ALK: variants seen among roughly 807,000 people sequenced by gnomAD.
The protein encoded by ALK is ALK tyrosine kinase receptor.
Under a neutral mutation model 163.1 loss-of-function variants are expected in ALK, and 74 were observed. That is an observed-to-expected ratio of 0.45 (90% CI 0.38 to 0.55). The LOEUF is 0.55. Ranked by LOEUF, ALK falls within the 20% of genes least tolerant of loss-of-function variation. The pLI is 0.00. For synonymous variants in ALK, 960 were observed against 843.2 expected, an observed-to-expected ratio of 1.14 and a Z score of -2.40; for missense variants, 2,063 against 2,105.3, an observed-to-expected ratio of 0.98 and a Z score of 0.39.
At chr2:29,778,203 C>T (rs981210735) in intron 1 of ALK, among the ~76,000 whole-genome samples, 99 of 152,312 alleles carry the variant, frequency 6.5e-4, no homozygotes, top group African/African-American at 2.2e-3. Context: ...CATTAGGATG[C>T]GCTCTGCAGT....
rs779303121 is a variant in ALK, at chr2:29,209,885, AGAAAG to A, written c.3744-12_3744-8del. On this transcript the variant is annotated splice_region_variant and splice_polypyrimidine_tract_variant and intron_variant, in intron 24 of 28. Coordinates refer to ENST00000389048, the MANE Select transcript of ALK (RefSeq NM_004304.5). ...GTTTCTGGCAGCAATGTCTCTGGGA[AGAAAG>A]GAAATGCATTTCCTAATTTTATCCC... The A allele has an allele frequency of 1.9e-6, 3 of 1,612,676 alleles. No homozygotes were observed. The African/African-American group carries it at 4.0e-5, about 22-fold the overall frequency.
chr2:29,893,881 C>A (rs1667206143), intron 1 of ALK, among the ~76,000 whole-genome samples: 1 of 152,050 alleles, frequency 6.6e-6, no homozygotes, highest in African/African-American at 2.4e-5. Context: ...TGACCTTGAG[C>A]AAGGTAAACT....
chr2:29,448,724 C>A (rs1375510217), intron 4 of ALK, among the ~76,000 whole-genome samples: 1 of 152,122 alleles, frequency 6.6e-6, no homozygotes, highest in Non-Finnish European at 1.5e-5. Context: ...ATATTCAGAC[C>A]AATAAAGCAG....
intron 3 of ALK, among the ~76,000 whole-genome samples, chr2:29,619,686 T>C (rs531007064): frequency 5.9e-5 from 9 of 152,298 alleles, no homozygotes; most frequent in Admixed American, 2.0e-4. Flanking sequence ...GGAAAATGGA[T>C]TCTGTGTATC....
At chr2:29,421,530 C>T (rs1670016438) in intron 4 of ALK, among the ~76,000 whole-genome samples, 1 of 151,538 alleles carries the variant, frequency 6.6e-6, no homozygotes, top group African/African-American at 2.4e-5. Flanking sequence ...CTCTCTGAGC[C>T]TGTTTCCTTT....
Position 29,297,056 on chromosome 2 carries a change from A to G in ALK, c.1649T>C (p.Leu550Pro). 6.2e-7 allele frequency: 1 copy of G among 1,614,104 alleles called. No homozygotes were observed. The highest frequency in any genetic ancestry group is 8.5e-7 in the Non-Finnish European group (1 of 1,180,000). The stretch of plus-strand genomic sequence containing the variant: ...TCCACGAATGAGCCAGGACATTCGG[A>G]GCTGTGAGGGCGAGAAGAGTCAGAG... ...PAPIKSSPCE[L>P]RMSWLIRGVL... The change falls in exon 9 of 29, where the codon CTC (leucine) becomes CCC (proline). Residue 550 changes from leucine (L) to proline (P), a missense_variant and splice_region_variant. This residue lies in a region of ALK where 987 missense variants were observed against 939.5 expected (regional missense o/e 1.05). Transcript: ENST00000389048.
At chr2:29,424,293 A>G (rs915900003) in intron 4 of ALK, among the ~76,000 whole-genome samples, 1 of 152,204 alleles carries the variant, frequency 6.6e-6, no homozygotes, top group Admixed American at 6.5e-5. Context: ...AAAGATGACC[A>G]ACCTAAAAAT....
At position 29,602,214 on chromosome 2, in the gene ALK, G is replaced by C. The variant is rs192799024; in HGVS notation, c.953-70098C>G. Among the ~76,000 whole-genome samples, 70 of 152,164 alleles carry C rather than the reference G, an allele frequency of 4.6e-4. 1 individual carries two copies. In the East Asian group the frequency reaches 0.012, roughly 27 times the overall value. On this transcript the variant is annotated intron_variant, in intron 3 of 28. Coordinates refer to ENST00000389048, the MANE Select transcript of ALK (RefSeq NM_004304.5). ...GGCTTGACTTGTCCTTATTCTCACAGAACAAGCTTGGATGGTCACTCTTAT... is the reference window on the plus strand; with the variant it reads ...GGCTTGACTTGTCCTTATTCTCACACAACAAGCTTGGATGGTCACTCTTAT...
intron 4 of ALK, among the ~76,000 whole-genome samples, chr2:29,448,636 C>T (rs555463259): frequency 5.3e-5 from 8 of 152,250 alleles, no homozygotes; most frequent in South Asian, 2.1e-4. Context: ...GTCAATCCAC[C>T]GTTCCCACCA....
intron 1 of ALK, among the ~76,000 whole-genome samples, chr2:29,733,100 A>G (rs1460212844): frequency 1.3e-5 from 2 of 152,162 alleles, no homozygotes; most frequent in Non-Finnish European, 2.9e-5. Context: ...CTGAGCAAAT[A>G]GAAAACATGA....
chr2:29,629,209 A>G (rs1294662931), intron 3 of ALK, among the ~76,000 whole-genome samples: 2 of 152,192 alleles, frequency 1.3e-5, no homozygotes, highest in African/African-American at 2.4e-5. Context: ...CTCAAACCCA[A>G]CTGACAGGAC....
chr2:29,196,990 A>G (rs1168227772), intron 27 of ALK, 130 bp from the exon 28 acceptor site: 3 of 730,442 alleles, frequency 4.1e-6, no homozygotes, highest in Middle Eastern at 2.5e-4. Flanking sequence ...TACTTGGCCT[A>G]TGCTGCCCCC....
chr2:29,650,715 C>T (rs1558425866), intron 3 of ALK, among the ~76,000 whole-genome samples: 3 of 152,054 alleles, frequency 2.0e-5, no homozygotes, highest in African/African-American at 4.8e-5. Context: ...ATGAGGTCTC[C>T]GTGTTAACAG....
rs142392527 is a variant in ALK at position 29,352,974 on chromosome 2, C to G, written c.1283-24493G>C. Among the ~76,000 whole-genome samples, 7 of 152,126 alleles carry G rather than the reference C, an allele frequency of 4.6e-5. No homozygotes were observed. The East Asian group carries it at 1.3e-3, about 29-fold the overall frequency. On this transcript the variant is annotated intron_variant, in intron 5 of 28. Coordinates refer to ENST00000389048, the MANE Select transcript of ALK (RefSeq NM_004304.5). The stretch of plus-strand genomic sequence containing the variant: ...TTGTAGTTTAACTTTGAAACAAAGA[C>G]AGTAACAGCCCTTTCCCAAAACAAA...
At chr2:29,859,898 C>T (rs888172964) in intron 1 of ALK, among the ~76,000 whole-genome samples, 1 of 152,120 alleles carries the variant, frequency 6.6e-6, no homozygotes, top group Non-Finnish European at 1.5e-5. Context: ...TGGTTGAAGT[C>T]ATAGTAGATT....
chr2:29,809,345 G>C (rs1664695871), intron 1 of ALK, among the ~76,000 whole-genome samples: 1 of 151,942 alleles, frequency 6.6e-6, no homozygotes, highest in African/African-American at 2.4e-5. Flanking sequence ...CCATCATACT[G>C]AGAGTTTGAA....
At chr2:29,224,000 G>A (rs2148172452) in intron 19 of ALK, 1 of 296,294 alleles carries the variant, frequency 3.4e-6, no homozygotes, top group Non-Finnish European at 6.4e-6. Context: ...GCCTAAGGAA[G>A]TTTCAGCAAG....
chr2:29,442,635 T>G (rs906072662), intron 4 of ALK, among the ~76,000 whole-genome samples: 1 of 152,110 alleles, frequency 6.6e-6, no homozygotes, highest in African/African-American at 2.4e-5. Context: ...CAGGCCTGGT[T>G]GGTGTCAGGA....
chr2:29,829,611 A>G lies in ALK; in HGVS notation c.667+90382T>C, dbSNP rs563527746. On this transcript the variant is annotated intron_variant, in intron 1 of 28. Transcript: ENST00000389048. ...AATCAGACTATAGGTCTGCATTTGT[A>G]TGAATGAGGTGGGTCCACTACTAAG... Among the ~76,000 whole-genome samples, 4 of 152,346 alleles carry G rather than the reference A, an allele frequency of 2.6e-5. No individual in the cohort carries two copies. The East Asian group carries it at 5.8e-4, about 22-fold the overall frequency.
Sources: allele counts gnomAD v4.1 joint callset (sites outside exome capture counted in the v4.1 genomes callset), GRCh38; gene constraint gnomAD v4.1.1; regional missense constraint gnomAD v4.1.1; transcripts MANE v1.5; gene names NCBI Gene and HGNC (gene_info 2026-07-23, HGNC 2026-07-21).